The following PKHD1 variants were observed in gnomAD, a reference collection of about 807,000 sequenced individuals.
PKHD1 encodes fibrocystin.
A neutral mutation model predicts 412.0 loss-of-function variants in PKHD1; 291 were observed. The observed-to-expected ratio is 0.71, with a 90% confidence interval of 0.64 to 0.78. PKHD1 has a LOEUF of 0.78. Among genes scored for constraint, PKHD1 ranks in the 30% least tolerant of loss-of-function variants. PKHD1 has a pLI of 0.00. For synonymous variants in PKHD1, 1,777 were observed against 1,821.5 expected (o/e 0.98, Z 0.62); for missense variants, 4,825 against 4,950.7 (o/e 0.97, Z 0.76).
intron 61 of PKHD1, among the ~76,000 whole-genome samples, chr6:51,650,643 G>T (rs1770793512): frequency 6.6e-6 from 1 of 152,032 alleles, no homozygotes; most frequent in Admixed American, 6.6e-5. Flanking sequence ...AAATACAATG[G>T]ATCACTAAAT....
chr6:51,754,494 T>G (rs1165730116), intron 56 of PKHD1, among the ~76,000 whole-genome samples: 1 of 152,206 alleles, frequency 6.6e-6, no homozygotes, highest in Non-Finnish European at 1.5e-5. Flanking sequence ...CCAGTGACCT[T>G]GAACAAGACT....
chr6:51,776,656 G>C (rs1024585990), intron 53 of PKHD1, among the ~76,000 whole-genome samples: 1 of 152,046 alleles, frequency 6.6e-6, no homozygotes, highest in South Asian at 2.1e-4. Flanking sequence ...CAGGTTAAGG[G>C]ACTTGTCTAA....
At chr6:51,629,111 G>A (rs537296099) in intron 65 of PKHD1, among the ~76,000 whole-genome samples, 26 of 151,998 alleles carry the variant, frequency 1.7e-4, no homozygotes, top group African/African-American at 2.7e-4. Context: ...TGTAAAAACC[G>A]TAGAAAAAAA....
In PKHD1 at chr6:51,867,994, T is replaced by C; in HGVS notation, c.7602A>G (p.Lys2534=). Residue 2534 remains lysine (K), a synonymous_variant, in exon 48 of 67, where the codon AAA becomes AAG. Coordinates refer to ENST00000371117, the MANE Select transcript of PKHD1 (RefSeq NM_138694.4). ...TAGAAGCAAGAATGTGACTTCTGTT[T>C]TTCCCAGACAGAGACCCATCCAAGT... is the stretch of plus-strand genomic sequence containing the variant. ...LEDLDGSLSG[K]NRSHILASME... 7 of 1,613,494 alleles carry C rather than the reference T, an allele frequency of 4.3e-6. No homozygotes were observed. Among genetic ancestry groups the C allele is most frequent in the Non-Finnish European group, 5.9e-6 (7 of 1,179,484 alleles).
chr6:52,027,788 A>G (rs1462269335), intron 31 of PKHD1, 41 bp downstream of exon 31: 1 of 1,362,554 alleles, frequency 7.3e-7, no homozygotes. Flanking sequence ...AGCAAATAGA[A>G]TTGCTGGATA....
At chr6:51,837,604 G>C (rs1769462768) in intron 50 of PKHD1, among the ~76,000 whole-genome samples, 1 of 152,134 alleles carries the variant, frequency 6.6e-6, no homozygotes, top group East Asian at 1.9e-4. Context: ...TACTAGGGAA[G>C]CTGAGGCAGG....
intron 15 of PKHD1, among the ~76,000 whole-genome samples, chr6:52,059,566 C>G (rs1808362654): frequency 1.3e-5 from 2 of 151,944 alleles, no homozygotes; most frequent in African/African-American, 4.8e-5. Flanking sequence ...TCTTTCCAAG[C>G]CTCAATTTCT....
chr6:51,749,225 G>A (rs1785688149), intron 57 of PKHD1, among the ~76,000 whole-genome samples: 1 of 152,136 alleles, frequency 6.6e-6, no homozygotes. Context: ...CATGGTAGGA[G>A]CAATAACATG....
chr6:51,627,342 T>C (rs919280828), intron 65 of PKHD1, among the ~76,000 whole-genome samples: 9 of 152,130 alleles, frequency 5.9e-5, no homozygotes, highest in Admixed American at 5.2e-4. Context: ...AGCAGACACA[T>C]GTGGCTACTG....
chr6:51,794,502 G>A (rs1172918486), intron 52 of PKHD1, among the ~76,000 whole-genome samples: 2 of 152,084 alleles, frequency 1.3e-5, no homozygotes, highest in Admixed American at 6.5e-5. Context: ...TTCTTTTGCT[G>A]TGCAGAAGCT....
chr6:51,619,542 G>A, intron 66 of PKHD1, 22 bp from the exon 67 acceptor site: 3 of 1,592,302 alleles, frequency 1.9e-6, no homozygotes, highest in Non-Finnish European at 2.6e-6. Flanking sequence ...AGAAATAGGG[G>A]AAGAAATGGA....
intron 52 of PKHD1, among the ~76,000 whole-genome samples, chr6:51,809,422 CT>C (rs1313925207): frequency 3.3e-5 from 5 of 152,026 alleles, no homozygotes; most frequent in Non-Finnish European, 7.4e-5. Flanking sequence ...CCTCTCCTGC[CT>C]CTTCCTATGA....
intron 49 of PKHD1, among the ~76,000 whole-genome samples, chr6:51,854,194 G>A (rs1772856815): frequency 6.6e-6 from 1 of 151,918 alleles, no homozygotes; most frequent in Non-Finnish European, 1.5e-5. Context: ...CTTCTGTTGG[G>A]CTGCTGCAGT....
intron 60 of PKHD1, among the ~76,000 whole-genome samples, chr6:51,674,364 A>G (rs1052049752): frequency 2.0e-5 from 3 of 152,184 alleles, no homozygotes; most frequent in African/African-American, 7.2e-5. Flanking sequence ...TGACTTCACT[A>G]CAAAGATGCC....
intron 60 of PKHD1, among the ~76,000 whole-genome samples, chr6:51,731,562 C>G (rs183788206): frequency 6.6e-6 from 1 of 152,066 alleles, no homozygotes; most frequent in African/African-American, 2.4e-5. Flanking sequence ...GAATTATATG[C>G]CCAGGATCAA....
intron 23 of PKHD1, among the ~76,000 whole-genome samples, chr6:52,047,104 G>A (rs1364696655): frequency 6.6e-6 from 1 of 152,200 alleles, no homozygotes; most frequent in Non-Finnish European, 1.5e-5. Flanking sequence ...CCAGGCCAAG[G>A]CTGACTTTCC....
intron 55 of PKHD1, among the ~76,000 whole-genome samples, chr6:51,765,247 A>T (rs1182680686): frequency 6.6e-6 from 1 of 151,600 alleles, no homozygotes; most frequent in East Asian, 1.9e-4. Flanking sequence ...TCCCAGATAC[A>T]TGATTTCTGG....
intron 43 of PKHD1, among the ~76,000 whole-genome samples, chr6:51,893,450 G>T (rs965579326): frequency 2.6e-5 from 4 of 152,210 alleles, no homozygotes; most frequent in Non-Finnish European, 5.9e-5. Flanking sequence ...TCCTCTGTTA[G>T]CTGATAAGAC....
intron 14 of PKHD1, 36 bp downstream of exon 14, chr6:52,062,483 C>G (rs1446379188): frequency 3.7e-6 from 6 of 1,612,956 alleles, no homozygotes; most frequent in Non-Finnish European, 5.1e-6. Context: ...AGCAAAGGTG[C>G]TTTTGATGTG....
Sources: gnomAD v4.1 joint callset for allele counts (sites outside exome capture counted in the v4.1 genomes callset) on GRCh38, gnomAD v4.1.1 for gene constraint, MANE v1.5 for transcripts, NCBI Gene and HGNC (gene_info 2026-07-23, HGNC 2026-07-21) for gene names.